GRIN2A: variants seen among roughly 807,000 people sequenced by gnomAD.
The protein encoded by GRIN2A is glutamate receptor ionotropic, NMDA 2A.
GRIN2A carries 22 observed loss-of-function variants against 113.4 expected under a neutral mutation model. That is an observed-to-expected ratio of 0.19 (90% CI 0.14 to 0.28). The LOEUF is 0.28. Among genes scored for constraint, GRIN2A ranks in the 10% least tolerant of loss-of-function variants. The pLI is 1.00. For synonymous variants in GRIN2A, 827 were observed against 738.4 expected (o/e 1.12, Z -1.94); for missense variants, 1,502 against 1,887.0 (o/e 0.80, Z 3.78).
Position 9,759,970 on chromosome 16 carries a change from C to T in GRIN2A, c.*3179G>A. ...GCATGTGCGTGCTATTACCCATGGA[C>T]AGAGACCCAACCGTTTGCATTCAAG... On this transcript the variant is annotated 3_prime_UTR_variant, in exon 13 of 13. Coordinates refer to ENST00000330684, the MANE Select transcript of GRIN2A (RefSeq NM_001134407.3). The T allele has an allele frequency of 4.3e-6, 1 of 231,328 alleles. No individual in the cohort carries two copies. Among genetic ancestry groups the T allele is most frequent in the East Asian group, 6.1e-5 (1 of 16,348 alleles). The allele number at this position is 231,328 out of a possible 1,614,324, so 14.3% of individuals were successfully genotyped here.
At chr16:10,025,850 G>T (rs16956809) in intron 2 of GRIN2A, among the ~76,000 whole-genome samples, 1,663 of 152,270 alleles carry the variant, frequency 0.011, 38 homozygotes, top group African/African-American at 0.038. Context: ...AAACCCTGGA[G>T]GCCAGACTTT....
At position 9,798,303 on chromosome 16, in the gene GRIN2A, A is replaced by G; in HGVS notation, c.2330T>C (p.Leu777Pro). The G allele has an allele frequency of 1.2e-6, 2 of 1,614,088 alleles. No individual in the cohort carries two copies. The highest frequency in any genetic ancestry group is 1.7e-6 in the Non-Finnish European group (2 of 1,179,974). Residue 777 changes from leucine (L) to proline (P), a missense_variant, in exon 11 of 13, where the codon CTG (leucine) becomes CCG (proline). By Grantham distance (98) the Leu-to-Pro change is moderately conservative. Coordinates refer to ENST00000330684, the MANE Select transcript of GRIN2A (RefSeq NM_001134407.3). Reference protein sequence around the residue: ...KGSPWKRQIDLALLQFVGDGE... With the variant: ...KGSPWKRQIDPALLQFVGDGE... ...ATCACCCACAAACTGAAGCAAGGCC[A>G]GGTCGATCTGCCTCTTCCAAGGAGA...
chr16:10,024,450 C>T (rs1235401861), intron 2 of GRIN2A, among the ~76,000 whole-genome samples: 1 of 152,234 alleles, frequency 6.6e-6, no homozygotes, highest in Admixed American at 6.5e-5. Flanking sequence ...AAACTCCCAA[C>T]CTCATGATCC....
chr16:10,047,314 G>T (rs528851889), intron 2 of GRIN2A, among the ~76,000 whole-genome samples: 1 of 152,270 alleles, frequency 6.6e-6, no homozygotes, highest in South Asian at 2.1e-4. Flanking sequence ...CTCGATCTCA[G>T]TTTCTTCATC....
intron 11 of GRIN2A, among the ~76,000 whole-genome samples, chr16:9,785,342 A>G (rs1219204453): frequency 6.6e-6 from 1 of 151,418 alleles, no homozygotes; most frequent in African/African-American, 2.4e-5. Context: ...CGCAAGGACA[A>G]AAAACCAAAC....
chr16:10,021,817 G>A (rs986201074), intron 2 of GRIN2A, among the ~76,000 whole-genome samples: 25 of 151,902 alleles, frequency 1.6e-4, no homozygotes, highest in African/African-American at 1.5e-4. Flanking sequence ...CATCAAGCCC[G>A]TTCAGGACAC....
chr16:9,976,986 C>G (rs2045786907), intron 2 of GRIN2A, among the ~76,000 whole-genome samples: 1 of 152,184 alleles, frequency 6.6e-6, no homozygotes, highest in Non-Finnish European at 1.5e-5. Context: ...AACAGGAGGG[C>G]CCAAAATAAT....
chr16:9,847,118 G>T (rs1223849475), intron 5 of GRIN2A, among the ~76,000 whole-genome samples: 2 of 152,192 alleles, frequency 1.3e-5, no homozygotes, highest in East Asian at 3.9e-4. Flanking sequence ...AACATGCAAG[G>T]TGTGTGTTCA....
At chr16:9,814,788 G>C (rs1192314255) in intron 10 of GRIN2A, among the ~76,000 whole-genome samples, 2 of 152,178 alleles carry the variant, frequency 1.3e-5, no homozygotes, top group African/African-American at 4.8e-5. Context: ...GGGAGGCCAA[G>C]GCAGGTGGAT....
At chr16:9,916,324 T>C (rs1427013244) in intron 3 of GRIN2A, among the ~76,000 whole-genome samples, 1 of 152,172 alleles carries the variant, frequency 6.6e-6, no homozygotes, top group Non-Finnish European at 1.5e-5. Context: ...CATGAGTCCT[T>C]GGAAAAAAAG....
At chr16:10,126,452 C>T (rs2048938179) in intron 2 of GRIN2A, among the ~76,000 whole-genome samples, 1 of 152,222 alleles carries the variant, frequency 6.6e-6, no homozygotes, top group Non-Finnish European at 1.5e-5. Context: ...GAGGCAAGAG[C>T]CAGTGCCCAG....
rs1257964334 is a variant in GRIN2A at position 9,864,541 on chromosome 16, C to T, written c.1123-14580G>A. 4.6e-5 allele frequency among the ~76,000 whole-genome samples: 7 copies of T among 151,978 alleles called. No homozygotes were observed. The South Asian group carries it at 6.2e-4, about 14-fold the overall frequency. ...AATTAAACTGCAGGCTAAGGAAGCACGAGACTTCAATGCATCAAACCTGAC... is the reference window on the plus strand; with the variant it reads ...AATTAAACTGCAGGCTAAGGAAGCATGAGACTTCAATGCATCAAACCTGAC... On this transcript the variant is annotated intron_variant, in intron 4 of 12. Coordinates refer to ENST00000330684, the MANE Select transcript of GRIN2A (RefSeq NM_001134407.3).
At chr16:9,812,178 G>A (rs976230684) in intron 10 of GRIN2A, among the ~76,000 whole-genome samples, 4 of 152,100 alleles carry the variant, frequency 2.6e-5, no homozygotes, top group South Asian at 2.1e-4. Flanking sequence ...TCCCAGACAC[G>A]CTGCTTAATC....
intron 2 of GRIN2A, among the ~76,000 whole-genome samples, chr16:9,982,834 G>T (rs1459880650): frequency 6.6e-6 from 1 of 152,092 alleles, no homozygotes; most frequent in Non-Finnish European, 1.5e-5. Flanking sequence ...CCTACACCTT[G>T]AATCACCCAC....
chr16:10,075,219 ACTTAAAGGTCCTC>A (rs1404879275), intron 2 of GRIN2A, among the ~76,000 whole-genome samples: 1 of 152,080 alleles, frequency 6.6e-6, no homozygotes, highest in Non-Finnish European at 1.5e-5. Context: ...TTGGTTGATC[ACTTAAAGGTCCTC>A]CTCCCTCCTT....
chr16:9,932,519 G>A (rs1363973847), intron 3 of GRIN2A, among the ~76,000 whole-genome samples: 2 of 151,988 alleles, frequency 1.3e-5, no homozygotes, highest in African/African-American at 4.8e-5. Flanking sequence ...GGGACTACAG[G>A]CGTGCACCAC....
intron 3 of GRIN2A, among the ~76,000 whole-genome samples, chr16:9,924,223 ACTTT>A (rs1157943903): frequency 6.6e-6 from 1 of 151,040 alleles, no homozygotes; most frequent in Non-Finnish European, 1.5e-5. Flanking sequence ...GTTTGGTATT[ACTTT>A]CTTTCTCCCT....
intron 8 of GRIN2A, among the ~76,000 whole-genome samples, chr16:9,830,921 G>GTTTTTTTGTT (rs2042481233): frequency 6.6e-6 from 1 of 152,170 alleles, no homozygotes; most frequent in African/African-American, 2.4e-5. Context: ...GAACGATTTA[G>GTTTTTTTGTT]TTTTTTTAGG....
intron 2 of GRIN2A, among the ~76,000 whole-genome samples, chr16:10,003,245 A>G (rs1032070334): frequency 1.3e-5 from 2 of 152,192 alleles, no homozygotes; most frequent in Non-Finnish European, 2.9e-5. Flanking sequence ...CTGGATTCTG[A>G]TTCCAATGGG....
Sources: gnomAD v4.1 joint callset for allele counts (sites outside exome capture counted in the v4.1 genomes callset) on GRCh38, gnomAD v4.1.1 for gene constraint, MANE v1.5 for transcripts, NCBI Gene and HGNC (gene_info 2026-07-23, HGNC 2026-07-21) for gene names.